Variants in HAS3 observed in about 807,000 individuals in gnomAD.
HAS3 encodes the protein HA synthase 3.
In HAS3, 27 loss-of-function variants were observed where a neutral mutation model predicts 50.3. That is an observed-to-expected ratio of 0.54 (90% CI 0.40 to 0.74). The LOEUF (loss-of-function observed/expected upper bound fraction) is 0.74, where lower values mean the gene tolerates loss of function less well. Ranked by LOEUF, HAS3 falls within the 30% of genes least tolerant of loss-of-function variation. The pLI is 0.00. For synonymous variants in HAS3, 339 were observed against 310.9 expected, an observed-to-expected ratio of 1.09 and a Z score of -0.95; for missense variants, 517 against 742.8, an observed-to-expected ratio of 0.70 and a Z score of 3.53.
chr16:69,101,760 A>G (rs1008980970), upstream of HAS3, among the ~76,000 whole-genome samples: 1 of 151,090 alleles, frequency 6.6e-6, no homozygotes, highest in Admixed American at 6.6e-5. Flanking sequence ...TTAATTATAA[A>G]CTGCCTTGTA....
the HAS3 span, among the ~76,000 whole-genome samples, chr16:69,092,596 G>A: frequency 4.4e-5 from 4 of 90,312 alleles, no homozygotes; most frequent in South Asian, 7.3e-4. Flanking sequence ...GTGCAACTCC[G>A]TCTCAAAAAA....
At chr16:69,110,484 C>G (rs1960963708) in intron 2 of HAS3, among the ~76,000 whole-genome samples, 2 of 152,220 alleles carry the variant, frequency 1.3e-5, no homozygotes, top group Admixed American at 1.3e-4. Flanking sequence ...AAGGCATGAT[C>G]AATACGCACT....
In HAS3 at chr16:69,117,048, C is replaced by T. The variant is rs941073848; in HGVS notation, c.*1782C>T. On this transcript the variant is annotated 3_prime_UTR_variant, in exon 4 of 4. Transcript: ENST00000569188. ...AACAGTTGCCACATCACACAGACCT[C>T]GAGTTTCTGGTAAGACTGCTGGTTG... The T allele has an allele frequency of 3.6e-5, 35 of 985,434 alleles. No individual in the cohort carries two copies. The highest frequency in any genetic ancestry group is 1.9e-4 in the South Asian group (4 of 21,296). The allele number at this position is 985,434 out of a possible 1,614,324, so 61.0% of individuals were successfully genotyped here.
rs145640839 is a variant in HAS3, at chr16:69,109,732, T to G, written c.337T>G (p.Phe113Val). 1.2e-6 allele frequency: 2 copies of G among 1,611,248 alleles called. No homozygotes were observed. Among genetic ancestry groups the G allele is most frequent in the South Asian group, 2.2e-5 (2 of 91,082 alleles). The change falls in exon 2 of 4, where the codon TTC becomes GTC. Residue 113 changes from phenylalanine (F) to valine (V), a missense_variant. Phe to Val is a conservative substitution (Grantham distance 50). Coordinates refer to ENST00000569188, the MANE Select transcript of HAS3 (RefSeq NM_001199280.2). The surrounding 1 kb of genome is among the most constrained non-coding windows in gnomAD (Gnocchi z 5.3). ...KCLRSAQRIS[F>V]PDLKVVMVVD... The stretch of plus-strand genomic sequence containing the variant: ...CCTGCGCTCGGCCCAGCGCATCTCC[T>G]TCCCTGACCTCAAGGTGGTCATGGT...
upstream of HAS3, among the ~76,000 whole-genome samples, chr16:69,105,053 G>A (rs1235764556): frequency 1.3e-4 from 15 of 114,440 alleles, no homozygotes; most frequent in Non-Finnish European, 1.6e-4. Flanking sequence ...TGCTGCCCAA[G>A]CTGGAGTGCA....
At chr16:69,098,552 CTTT>C in the HAS3 span, among the ~76,000 whole-genome samples, 1 of 151,248 alleles carries the variant, frequency 6.6e-6, no homozygotes, top group Non-Finnish European at 1.5e-5. Flanking sequence ...CTTAAAATAC[CTTT>C]TTATTACAAA....
Position 69,109,934 on chromosome 16 carries a change from C to T in HAS3, c.539C>T (p.Ala180Val). 3.7e-6 allele frequency: 6 copies of T among 1,614,066 alleles called. No individual in the cohort carries two copies. Among genetic ancestry groups the T allele is most frequent in the South Asian group, 1.1e-5 (1 of 91,080 alleles). ...GMDRVRDVVR[A>V]STFSCIMQKW... ...GACCGTGTGCGGGATGTGGTGCGGGCCAGCACCTTCTCGTGCATCATGCAG... is the reference window on the plus strand; with the variant it reads ...GACCGTGTGCGGGATGTGGTGCGGGTCAGCACCTTCTCGTGCATCATGCAG... Residue 180 changes from alanine to valine, a missense_variant, in exon 2 of 4, where the codon GCC (alanine) becomes GTC (valine). Coordinates refer to ENST00000569188, the MANE Select transcript of HAS3 (RefSeq NM_001199280.2). This position sits in a 1 kb window ranked among gnomAD's most constrained non-coding sequence, Gnocchi z 5.3.
rs1961159127 is a variant in HAS3, at chr16:69,115,731, C to G, written c.*465C>G. On this transcript the variant is annotated 3_prime_UTR_variant, in exon 4 of 4. Transcript: ENST00000569188. ...GCCGGTTAGTGTATGTCACCCCCAC[C>G]CCACCCCTAAGTAGTCATCAATGCA... The G allele has an allele frequency of 3.0e-6, 3 of 987,856 alleles. No homozygotes were observed. The highest frequency in any genetic ancestry group is 4.7e-5 in the South Asian group (1 of 21,314). The allele number at this position is 987,856 out of a possible 1,614,324, so 61.2% of individuals were successfully genotyped here. A position where few individuals can be genotyped will look rare whatever the true frequency, so the allele number is the denominator to read the frequency against.
chr16:69,084,035 T>C, the HAS3 span: 1 of 167,944 alleles, frequency 6.0e-6, no homozygotes, highest in African/African-American at 2.4e-5. Context: ...GCCACCCATA[T>C]GTCACCTAGC....
Position 69,107,614 on chromosome 16 carries a change from G to C in HAS3, c.1-1782G>C, listed in dbSNP as rs1960850810. The C allele has an allele frequency of 1.0e-6, 1 of 985,392 alleles. No individual in the cohort carries two copies. Among genetic ancestry groups the C allele is most frequent in the African/African-American group, 1.7e-5 (1 of 57,248 alleles). 61.0% of individuals were successfully genotyped at this position (985,392 alleles called of 1,614,324 possible). On this transcript the variant is annotated intron_variant, in intron 1 of 3. Transcript: ENST00000569188. This position sits in a 1 kb window ranked among gnomAD's most constrained non-coding sequence, Gnocchi z 5.5. ...CACCGAGGCGGGGCGCCAGCGCCCA[G>C]GTTGCTGGGCTGGCCTTGGCGCCCC...
At position 69,106,692 on chromosome 16, in the gene HAS3, GT is replaced by G. The variant is rs1960809551; in HGVS notation, c.-1+908del. ...CCGCACCTTCTACGACCTCCCGGGG[GT>G]TTGCACCTGTCCGGGCACCAAGGTA... On this transcript the variant is annotated intron_variant, in intron 1 of 3. Transcript: ENST00000569188. The surrounding 1 kb of genome is among the most constrained non-coding windows in gnomAD (Gnocchi z 5.5). 6.6e-6 allele frequency: 1 copy of G among 152,232 alleles called. No individual in the cohort carries two copies. The highest frequency in any genetic ancestry group is 1.5e-5 in the Non-Finnish European group (1 of 68,084). 9.4% of individuals were successfully genotyped at this position (152,232 alleles called of 1,614,324 possible).
In HAS3 at chr16:69,109,897, C is replaced by A. The variant is rs1960938300; in HGVS notation, c.502C>A (p.Gln168Lys). The change falls in exon 2 of 4, where the codon CAG (glutamine) becomes AAG (lysine). Residue 168 changes from glutamine to lysine, a missense_variant. Transcript: ENST00000569188. This position sits in a 1 kb window ranked among gnomAD's most constrained non-coding sequence, Gnocchi z 5.3. Reference sequence around the variant, plus strand: ...CGAGGGTGAGACGGAGGCCAGCCTGCAGGAGGGCATGGACCGTGTGCGGGA... The same window carrying A: ...CGAGGGTGAGACGGAGGCCAGCCTGAAGGAGGGCATGGACCGTGTGCGGGA... ...AGEGETEASL[Q>K]EGMDRVRDVV... 2.5e-6 allele frequency: 4 copies of A among 1,613,976 alleles called. No homozygotes were observed. Among genetic ancestry groups the A allele is most frequent in the Non-Finnish European group, 3.4e-6 (4 of 1,180,046 alleles).
chr16:69,109,380 T>C lies in HAS3; in HGVS notation c.1-16T>C, dbSNP rs1026880037. On this transcript the variant is annotated splice_polypyrimidine_tract_variant and intron_variant, in intron 1 of 3. Transcript: ENST00000569188. The surrounding 1 kb of genome is among the most constrained non-coding windows in gnomAD (Gnocchi z 5.3). ...GCCTCCTGCCTGACCCTTCATCTCC[T>C]GCCTTCTCTCGCCAGATGCCGGTGC... The C allele has an allele frequency of 6.3e-7, 1 of 1,586,690 alleles. No individual in the cohort carries two copies. The highest frequency in any genetic ancestry group is 8.6e-7 in the Non-Finnish European group (1 of 1,169,246).
downstream of HAS3, chr16:69,118,663 A>G (rs1361572186): frequency 1.5e-6 from 1 of 687,526 alleles, no homozygotes; most frequent in Non-Finnish European, 2.7e-6. Context: ...CACCTGCCAC[A>G]GTTCACATGC....
chr16:69,093,441 G>A, the HAS3 span, among the ~76,000 whole-genome samples: 2 of 151,286 alleles, frequency 1.3e-5, no homozygotes, highest in African/African-American at 2.4e-5. Flanking sequence ...TTGAACTTCC[G>A]ACCTCAAGAG....
In HAS3 at chr16:69,114,970, T is replaced by A; in HGVS notation, c.1366T>A (p.Phe456Ile). ...GTCCAGCCTTCTGCCGGCCAAGATC[T>A]TTGCCATTGCTACCATCAACAAATC... The part of the protein sequence containing the change: ...YMSSLLPAKI[F>I]AIATINKSGW... Residue 456 changes from phenylalanine to isoleucine, a missense_variant, in exon 4 of 4, where the codon TTT becomes ATT. Phe to Ile is a conservative substitution (Grantham distance 21). Coordinates refer to ENST00000569188, the MANE Select transcript of HAS3 (RefSeq NM_001199280.2). The surrounding 1 kb of genome is among the most constrained non-coding windows in gnomAD (Gnocchi z 6.4). The A allele has an allele frequency of 6.2e-7, 1 of 1,614,144 alleles. No individual in the cohort carries two copies. The highest frequency in any genetic ancestry group is 8.5e-7 in the Non-Finnish European group (1 of 1,180,022).
downstream of HAS3, chr16:69,118,139 ATTCC>A (rs2152263147): frequency 2.9e-6 from 1 of 341,256 alleles, no homozygotes; most frequent in Non-Finnish European, 5.4e-6. Flanking sequence ...CCCCACCCTA[ATTCC>A]CATATTCCCA....
In HAS3 at chr16:69,114,232, G is replaced by A; in HGVS notation, c.739-111G>A. 2 of 1,483,154 alleles carry A rather than the reference G, an allele frequency of 1.3e-6. No individual in the cohort carries two copies. Among genetic ancestry groups the A allele is most frequent in the South Asian group, 2.7e-5 (2 of 73,258 alleles). The allele number at this position is 1,483,154 out of a possible 1,614,324, so 91.9% of individuals were successfully genotyped here. A position where few individuals can be genotyped will look rare whatever the true frequency, so the allele number is the denominator to read the frequency against. ...CCAGCTCCAAAGGAACCGATGGCCA[G>A]GAATCTAAGCAGCGGGCCACAGAAG... On this transcript the variant is annotated intron_variant, in intron 3 of 3. Coordinates refer to ENST00000569188, the MANE Select transcript of HAS3 (RefSeq NM_001199280.2). The surrounding 1 kb of genome is among the most constrained non-coding windows in gnomAD (Gnocchi z 6.4).
rs71148963 is a variant in HAS3, at chr16:69,111,157, ATTTTTTTTT to A, written c.636+1150_636+1158del. The stretch of plus-strand genomic sequence containing the variant: ...TAGGACCCTGGATTTCTAGGCCAGG[ATTTTTTTTT>A]TTTTTTTTTTTTTTTTTTTTTTTGA... On this transcript the variant is annotated intron_variant, in intron 2 of 3. Transcript: ENST00000569188. Among the ~76,000 whole-genome samples, 34 of 62,304 alleles carry A rather than the reference ATTTTTTTTT, an allele frequency of 5.5e-4. No homozygotes were observed. The South Asian group carries it at 0.013, about 23-fold the overall frequency. 40.9% of individuals were successfully genotyped at this position (62,304 alleles called of 152,430 possible).
Sources: gnomAD v4.1 joint callset for allele counts (sites outside exome capture counted in the v4.1 genomes callset) on GRCh38, gnomAD v4.1.1 for gene constraint, Gnocchi (gnomAD v3.1) non-coding constraint, MANE v1.5 for transcripts, NCBI Gene and HGNC (gene_info 2026-07-23, HGNC 2026-07-21) for gene names.